The following ARAP2 variants were observed in gnomAD, a reference collection of about 807,000 sequenced individuals.
The protein encoded by ARAP2 is arf-GAP with Rho-GAP domain, ANK repeat and PH domain-containing protein 2.
In ARAP2, 148 loss-of-function variants were observed where a neutral mutation model predicts 194.5. The observed-to-expected ratio is 0.76, with a 90% CI of 0.67 to 0.87. The LOEUF (loss-of-function observed/expected upper bound fraction) is 0.87, where lower values mean the gene tolerates loss of function less well. Among genes scored for constraint, ARAP2 ranks in the 40% least tolerant of loss-of-function variants. The pLI is 0.00. For synonymous variants in ARAP2, 695 were observed against 683.5 expected, an observed-to-expected ratio of 1.02 and a Z score of -0.26; for missense variants, 2,128 against 1,989.7, an observed-to-expected ratio of 1.07 and a Z score of -1.32.
chr4:36,162,032 C>T (rs1182885329), intron 11 of ARAP2, among the ~76,000 whole-genome samples: 4 of 151,156 alleles, frequency 2.6e-5, no homozygotes, highest in African/African-American at 7.3e-5. Flanking sequence ...GGCGTGAACC[C>T]GGGAGGCGGA....
chr4:36,149,160 T>C (rs997674186), intron 16 of ARAP2, among the ~76,000 whole-genome samples: 2 of 152,154 alleles, frequency 1.3e-5, no homozygotes, highest in Admixed American at 6.5e-5. Flanking sequence ...AAATACCCTA[T>C]GCTAAAGTCA....
intron 10 of ARAP2, among the ~76,000 whole-genome samples, chr4:36,166,085 C>G (rs1023412580): frequency 2.0e-5 from 3 of 152,014 alleles, no homozygotes; most frequent in Non-Finnish European, 2.9e-5. Context: ...AAAAATAAAG[C>G]TTGTTAATTT....
intron 15 of ARAP2, among the ~76,000 whole-genome samples, chr4:36,151,655 G>T (rs1677669441): frequency 6.6e-6 from 1 of 152,072 alleles, no homozygotes. Flanking sequence ...GGTTACTTTA[G>T]GGCATTATTT....
Position 36,054,097 on chromosome 4 carries a change from C to T in ARAP2, n.322-2044G>A, listed in dbSNP as rs149761967. Among the ~76,000 whole-genome samples, 1,505 of 152,198 alleles carry T rather than the reference C, an allele frequency of 9.9e-3. 19 individuals are homozygous for T. The highest frequency in any genetic ancestry group is 0.013 in the Non-Finnish European group (907 of 68,014). ...TGCAAATTAGGCATGCCTTTCACAC[C>T]GTGAATGCTTCATACATCACTACAA... On this transcript the variant is annotated intron_variant and non_coding_transcript_variant, in intron 2 of 12. Transcript: ENST00000503225.
chr4:36,156,287 GGAAGGAAA>G lies in ARAP2; in HGVS notation c.2752+2435_2752+2442del, dbSNP rs1203057061. 3.9e-3 allele frequency among the ~76,000 whole-genome samples: 535 copies of G among 136,010 alleles called. 1 individual carries two copies. Among genetic ancestry groups the G allele is most frequent in the Non-Finnish European group, 5.5e-3 (347 of 63,462 alleles). 89.2% of individuals were successfully genotyped at this position (136,010 alleles called of 152,430 possible). On this transcript the variant is annotated intron_variant, in intron 15 of 32. Transcript: ENST00000303965. The stretch of plus-strand genomic sequence containing the variant: ...ACAGAGCAAGAGAAAGAAAAAGGAA[GGAAGGAAA>G]GAAGGAAAGAAGGAAGGAAGGAAGG...
chr4:36,027,811 C>T (rs1051251261), intron 5 of ARAP2, among the ~76,000 whole-genome samples: 4 of 152,058 alleles, frequency 2.6e-5, no homozygotes, highest in African/African-American at 9.7e-5. Context: ...AATTATTTAA[C>T]AATAATTCCT....
At chr4:36,101,028 A>G (rs1716763126) in intron 27 of ARAP2, among the ~76,000 whole-genome samples, 1 of 152,104 alleles carries the variant, frequency 6.6e-6, no homozygotes, top group Non-Finnish European at 1.5e-5. Flanking sequence ...AATTTAAAAT[A>G]CAAACAGAAA....
chr4:36,067,748 T>C lies in ARAP2; in HGVS notation c.*159A>G. 1.4e-6 allele frequency: 1 copy of C among 709,438 alleles called. No homozygotes were observed. Among genetic ancestry groups the C allele is most frequent in the Non-Finnish European group, 2.2e-6 (1 of 445,862 alleles). 43.9% of individuals were successfully genotyped at this position (709,438 alleles called of 1,614,324 possible). A position where few individuals can be genotyped will look rare whatever the true frequency, so the allele number is the denominator to read the frequency against. ...TTAATCTTACATTCAGTCACATATA[T>C]ACATATTTTTAAATGCTCCTTAAAT... On this transcript the variant is annotated 3_prime_UTR_variant, in exon 33 of 33. Coordinates refer to ENST00000303965, the MANE Select transcript of ARAP2 (RefSeq NM_015230.4).
rs745913587 is a variant in ARAP2, at chr4:36,229,158, C to T, written c.329G>A (p.Gly110Asp). ...CGGTGGGCTAGATGTCTGAACACTA[C>T]CAGAATTGGAAAGTTCTATGCAGAT... Reference protein sequence around the residue: ...QNICIELSNSGSVQTSSPPQL... With the variant: ...QNICIELSNSDSVQTSSPPQL... The change falls in exon 2 of 33, where the codon GGT becomes GAT. Residue 110 changes from glycine to aspartate, a missense_variant. Coordinates refer to ENST00000303965, the MANE Select transcript of ARAP2 (RefSeq NM_015230.4). 1.2e-6 allele frequency: 2 copies of T among 1,614,058 alleles called. No homozygotes were observed. Among genetic ancestry groups the T allele is most frequent in the Non-Finnish European group, 1.7e-6 (2 of 1,179,994 alleles).
chr4:36,099,893 G>A (rs919660343), intron 27 of ARAP2, among the ~76,000 whole-genome samples: 8 of 152,056 alleles, frequency 5.3e-5, no homozygotes, highest in African/African-American at 1.9e-4. Flanking sequence ...ATTAATGGAG[G>A]GAGGACATAA....
chr4:36,040,926 G>C (rs1467748748), intron 5 of ARAP2, among the ~76,000 whole-genome samples: 1 of 152,144 alleles, frequency 6.6e-6, no homozygotes, highest in Admixed American at 6.6e-5. Flanking sequence ...TGTTTTCAAG[G>C]AGAGTGCTTC....
intron 24 of ARAP2, among the ~76,000 whole-genome samples, chr4:36,118,379 T>C (rs976116715): frequency 1.4e-5 from 2 of 146,008 alleles, no homozygotes; most frequent in South Asian, 2.2e-4. Context: ...CAAACAGGGG[T>C]AAGACAAAGA....
intron 7 of ARAP2, among the ~76,000 whole-genome samples, chr4:36,191,384 T>G (rs1032901957): frequency 6.6e-6 from 1 of 152,050 alleles, no homozygotes; most frequent in African/African-American, 2.4e-5. Flanking sequence ...AACAAGGATA[T>G]AGTTAACAAG....
intron 31 of ARAP2, among the ~76,000 whole-genome samples, chr4:36,078,652 G>C (rs1032208151): frequency 6.6e-6 from 1 of 152,110 alleles, no homozygotes. Flanking sequence ...TCTTTGAGAC[G>C]AGGACTAGGA....
At chr4:36,070,488 G>C (rs150094078) in intron 32 of ARAP2, among the ~76,000 whole-genome samples, 1 of 152,170 alleles carries the variant, frequency 6.6e-6, no homozygotes, top group African/African-American at 2.4e-5. Flanking sequence ...TTGTTTGAAC[G>C]GAAATAATAA....
chr4:36,101,665 C>G (rs1280460886), intron 27 of ARAP2, among the ~76,000 whole-genome samples: 3 of 151,860 alleles, frequency 2.0e-5, no homozygotes, highest in Non-Finnish European at 4.4e-5. Context: ...TCATGTGATT[C>G]TCATGCAACT....
rs759268509 is a variant in ARAP2 at position 36,167,033 on chromosome 4, T to A, written c.1872A>T (p.Gly624=). The A allele has an allele frequency of 6.4e-7, 1 of 1,569,968 alleles. No homozygotes were observed. The highest frequency in any genetic ancestry group is 1.2e-5 in the South Asian group (1 of 83,608). The part of the protein sequence containing the change: ...LCKNEQDFKS[G]LGITIIPMNV... ...TCATAGGAATTATGGTAATACCAAG[T>A]CCACTCTTAAAATCCTAGTTTGGAG... is the stretch of plus-strand genomic sequence containing the variant. The change falls in exon 10 of 33, where the codon GGA becomes GGT. Residue 624 remains glycine (G), a synonymous_variant. Coordinates refer to ENST00000303965, the MANE Select transcript of ARAP2 (RefSeq NM_015230.4).
chr4:36,118,996 C>A (rs2109530557), intron 24 of ARAP2, among the ~76,000 whole-genome samples: 1 of 151,424 alleles, frequency 6.6e-6, no homozygotes, highest in Non-Finnish European at 1.5e-5. Flanking sequence ...CCATTTCTAT[C>A]ATTTATATTG....
intron 25 of ARAP2, among the ~76,000 whole-genome samples, chr4:36,115,529 A>G (rs1448434646): frequency 6.6e-6 from 1 of 152,024 alleles, no homozygotes; most frequent in Admixed American, 6.6e-5. Context: ...CCTTGCATCA[A>G]GAGAGACCAA....
Sources: allele counts gnomAD v4.1 joint callset (sites outside exome capture counted in the v4.1 genomes callset), GRCh38; gene constraint gnomAD v4.1.1; transcripts MANE v1.5; gene names NCBI Gene and HGNC (gene_info 2026-07-23, HGNC 2026-07-21).